HADHA: variants seen among roughly 807,000 people sequenced by gnomAD.
HADHA encodes trifunctional enzyme subunit alpha, mitochondrial.
Under a neutral mutation model 91.3 loss-of-function variants are expected in HADHA, and 59 were observed. That is an observed-to-expected ratio of 0.65 (90% confidence interval 0.52 to 0.80). HADHA has a LOEUF of 0.80. Ranked by LOEUF, HADHA falls within the 30% of genes least tolerant of loss-of-function variation. The pLI is 0.00. For synonymous variants in HADHA, 320 were observed against 338.9 expected (o/e 0.94, Z 0.61); for missense variants, 800 against 927.6 (o/e 0.86, Z 1.79).
At chr2:26,231,704 T>G (rs1290841156) in intron 6 of HADHA, among the ~76,000 whole-genome samples, 1 of 152,134 alleles carries the variant, frequency 6.6e-6, no homozygotes, top group African/African-American at 2.4e-5. Context: ...TGGTGGTTCA[T>G]GCCTGTAGTC....
In HADHA at chr2:26,191,548, A is replaced by G; in HGVS notation, c.2081T>C (p.Leu694Ser). The G allele has an allele frequency of 1.2e-6, 2 of 1,614,192 alleles. No individual in the cohort carries two copies. Among genetic ancestry groups the G allele is most frequent in the Non-Finnish European group, 1.7e-6 (2 of 1,180,006 alleles). ...EAVMCLQEGI[L>S]ATPAEGDIGA... ...GATGTCTCCCTCTGCAGGTGTGGCC[A>G]AGATCCCCTCTTGCAGGCACATGAC... Residue 694 changes from leucine (L) to serine (S), a missense_variant, in exon 19 of 20, where the codon TTG (leucine) becomes TCG (serine). By Grantham distance (145) the Leu-to-Ser change is moderately radical. Transcript: ENST00000380649.
intron 1 of HADHA, among the ~76,000 whole-genome samples, chr2:26,243,511 G>A (rs192743766): frequency 2.6e-5 from 4 of 151,896 alleles, no homozygotes; most frequent in East Asian, 3.9e-4. Flanking sequence ...ACTAAAAACA[G>A]CTGTTGAAAA....
chr2:26,213,758 C>CT (rs1206715528), intron 9 of HADHA, among the ~76,000 whole-genome samples: 1 of 152,202 alleles, frequency 6.6e-6, no homozygotes, highest in Non-Finnish European at 1.5e-5. Context: ...ATATATCTAA[C>CT]TTCCCCAGTC....
rs2147769858 is a variant in HADHA, at chr2:26,214,982, G to T, written c.799+71C>A. 7.4e-7 allele frequency: 1 copy of T among 1,349,508 alleles called. No homozygotes were observed. The highest frequency in any genetic ancestry group is 2.3e-5 in the East Asian group (1 of 43,760). 83.6% of individuals were successfully genotyped at this position (1,349,508 alleles called of 1,614,324 possible). A position where few individuals can be genotyped will look rare whatever the true frequency, so the allele number is the denominator to read the frequency against. On this transcript the variant is annotated intron_variant, in intron 8 of 19. Coordinates refer to ENST00000380649, the MANE Select transcript of HADHA (RefSeq NM_000182.5). The surrounding 1 kb of genome is among the most constrained non-coding windows in gnomAD (Gnocchi z 4.1). ...AATGCATTTACCACTTCCTCATTTT[G>T]AATCTACAGCAAATAAAATTAAATT...
intron 7 of HADHA, among the ~76,000 whole-genome samples, chr2:26,223,104 C>T (rs1670411782): frequency 6.6e-6 from 1 of 152,098 alleles, no homozygotes; most frequent in South Asian, 2.1e-4. Flanking sequence ...GGGCTCAGTT[C>T]CAAAGGGAGG....
intron 1 of HADHA, among the ~76,000 whole-genome samples, chr2:26,239,936 G>A: frequency 6.6e-6 from 1 of 152,140 alleles, no homozygotes; most frequent in East Asian, 1.9e-4. Context: ...GATGGGAGAA[G>A]CCAGCCATCT....
chr2:26,196,746 G>A (rs534594231), intron 14 of HADHA, among the ~76,000 whole-genome samples: 10 of 152,308 alleles, frequency 6.6e-5, no homozygotes, highest in African/African-American at 2.2e-4. Flanking sequence ...GCTCTGCTCC[G>A]ATGGCGGGGA....
chr2:26,194,034 T>C (rs1268123184), intron 16 of HADHA, among the ~76,000 whole-genome samples: 1 of 152,218 alleles, frequency 6.6e-6, no homozygotes, highest in Non-Finnish European at 1.5e-5. Context: ...CTTGTTTGCA[T>C]TTCTGAATCT....
intron 9 of HADHA, among the ~76,000 whole-genome samples, chr2:26,213,980 T>C (rs764061822): frequency 2.0e-5 from 3 of 152,248 alleles, no homozygotes; most frequent in Non-Finnish European, 4.4e-5. Flanking sequence ...ATTTTAATTA[T>C]TCTCATTGAT....
At chr2:26,218,406 C>T (rs1027611672) in intron 7 of HADHA, among the ~76,000 whole-genome samples, 4 of 150,986 alleles carry the variant, frequency 2.6e-5, no homozygotes, top group African/African-American at 9.8e-5. Flanking sequence ...TAAGAACAGA[C>T]CTACACTACA....
At chr2:26,233,958 G>A (rs1221518053) in intron 5 of HADHA, among the ~76,000 whole-genome samples, 1 of 152,162 alleles carries the variant, frequency 6.6e-6, no homozygotes, top group Non-Finnish European at 1.5e-5. Context: ...ATGCACACCT[G>A]TAATCCCAGC....
In HADHA at chr2:26,190,740, T is replaced by A. The variant is rs13432453; in HGVS notation, c.*510A>T. On this transcript the variant is annotated 3_prime_UTR_variant, in exon 20 of 20. Coordinates refer to ENST00000380649, the MANE Select transcript of HADHA (RefSeq NM_000182.5). Reference sequence around the variant, plus strand: ...TGTGGTTGAGCCCACCAGGTCCCACTTTCTCTCATCCCAGTCCCTCCCTAA... The same window carrying A: ...TGTGGTTGAGCCCACCAGGTCCCACATTCTCTCATCCCAGTCCCTCCCTAA... 0.033 allele frequency: 6,702 copies of A among 200,956 alleles called. 461 individuals carry two copies. Among genetic ancestry groups the A allele is most frequent in the African/African-American group, 0.14 (6,143 of 42,840 alleles). 12.4% of individuals were successfully genotyped at this position (200,956 alleles called of 1,614,324 possible).
At chr2:26,224,676 A>G (rs1178080542) in intron 7 of HADHA, among the ~76,000 whole-genome samples, 1 of 152,222 alleles carries the variant, frequency 6.6e-6, no homozygotes, top group African/African-American at 2.4e-5. Flanking sequence ...ATGTCAGGAT[A>G]AAGTATGACT....
chr2:26,195,303 C>T, intron 14 of HADHA, 71 bp from the exon 15 acceptor site: 1 of 1,266,208 alleles, frequency 7.9e-7, no homozygotes, highest in South Asian at 1.2e-5. Context: ...TCCTTCTCTG[C>T]TAGGAAAACA....
chr2:26,231,735 G>C (rs904009856), intron 6 of HADHA, among the ~76,000 whole-genome samples: 1 of 152,204 alleles, frequency 6.6e-6, no homozygotes, highest in Non-Finnish European at 1.5e-5. Flanking sequence ...GGGAGGCTGA[G>C]GCGGGAGGAT....
Position 26,191,039 on chromosome 2 carries a change from A to G in HADHA, c.*211T>C, listed in dbSNP as rs1037202569. ...GCTTATACAATGAGCAGTGGGCTCT[A>G]CCTTCCAACAGGAAGTGCAAACTAA... On this transcript the variant is annotated 3_prime_UTR_variant, in exon 20 of 20. Transcript: ENST00000380649. 2.5e-5 allele frequency: 16 copies of G among 637,486 alleles called. No homozygotes were observed. Among genetic ancestry groups the G allele is most frequent in the Non-Finnish European group, 4.2e-5 (15 of 353,264 alleles). 39.5% of individuals were successfully genotyped at this position (637,486 alleles called of 1,614,324 possible).
chr2:26,200,820 C>T (rs1669811545), intron 13 of HADHA, among the ~76,000 whole-genome samples: 1 of 151,954 alleles, frequency 6.6e-6, no homozygotes, highest in African/African-American at 2.4e-5. Context: ...GCAACCTCTG[C>T]CTCCCAGGTT....
chr2:26,230,896 G>A (rs1670606497), intron 6 of HADHA, among the ~76,000 whole-genome samples: 1 of 152,070 alleles, frequency 6.6e-6, no homozygotes, highest in African/African-American at 2.4e-5. Context: ...ACTCCAGCCT[G>A]AACAACAAAA....
intron 7 of HADHA, among the ~76,000 whole-genome samples, chr2:26,219,406 G>A (rs1032109774): frequency 1.3e-5 from 2 of 152,134 alleles, no homozygotes; most frequent in Non-Finnish European, 2.9e-5. Context: ...GATTACAGGC[G>A]TGAGCCACTG....
Sources: allele counts gnomAD v4.1 joint callset (sites outside exome capture counted in the v4.1 genomes callset), GRCh38; gene constraint gnomAD v4.1.1; non-coding constraint Gnocchi (gnomAD v3.1); transcripts MANE v1.5; gene names NCBI Gene and HGNC (gene_info 2026-07-23, HGNC 2026-07-21).